CEP170: variants seen among roughly 807,000 people sequenced by gnomAD.
CEP170 encodes centrosomal protein 170.
CEP170 carries 21 observed loss-of-function variants against 151.9 expected under a neutral mutation model. The ratio of observed to expected loss-of-function variants is 0.14; its 90% confidence interval spans 0.10 to 0.20. The LOEUF (loss-of-function observed/expected upper bound fraction) is 0.20. Ranked by LOEUF, CEP170 falls within the 10% of genes least tolerant of loss-of-function variation. The pLI is 1.00. For synonymous variants in CEP170, 356 were observed against 648.8 expected (o/e 0.55, Z 6.86); for missense variants, 964 against 1,892.9 (o/e 0.51, Z 9.11).
At chr1:243,184,954 A>T (rs923969302) in intron 10 of CEP170, among the ~76,000 whole-genome samples, 3 of 152,210 alleles carry the variant, frequency 2.0e-5, no homozygotes, top group African/African-American at 7.2e-5. Context: ...ACAAGAATTC[A>T]AACAAAAGAT....
At chr1:243,188,766 G>T (rs983631700) in intron 8 of CEP170, among the ~76,000 whole-genome samples, 19 of 152,126 alleles carry the variant, frequency 1.2e-4, no homozygotes, top group African/African-American at 4.3e-4. Context: ...TCAATTCTTT[G>T]ATCTAAACAG....
rs1267747716 is a variant in CEP170, at chr1:243,225,333, C to T, written c.-41-12G>A. On this transcript the variant is annotated splice_polypyrimidine_tract_variant and intron_variant, in intron 1 of 19. Transcript: ENST00000366542. ...AAAGCTACGTCATCCTGAAGAGAAA[C>T]ATGAAGAAAAATATACGTTCAGATA... The T allele has an allele frequency of 4.5e-6, 5 of 1,121,898 alleles. No individual in the cohort carries two copies. The highest frequency in any genetic ancestry group is 1.6e-5 in the South Asian group (1 of 63,920). The allele number at this position is 1,121,898 out of a possible 1,614,324, so 69.5% of individuals were successfully genotyped here. A position where few individuals can be genotyped will look rare whatever the true frequency, so the allele number is the denominator to read the frequency against.
intron 10 of CEP170, among the ~76,000 whole-genome samples, chr1:243,179,238 G>A (rs192589146): frequency 2.6e-4 from 40 of 152,132 alleles, no homozygotes; most frequent in Admixed American, 2.6e-3. Flanking sequence ...AAATTTAAAT[G>A]TCCAATTTCT....
intron 16 of CEP170, among the ~76,000 whole-genome samples, chr1:243,138,766 CAAT>C (rs1353877270): frequency 2.0e-5 from 3 of 151,968 alleles, no homozygotes; most frequent in African/African-American, 4.8e-5. Flanking sequence ...ATACTGTCAA[CAAT>C]GTTACTATAA....
intron 7 of CEP170, among the ~76,000 whole-genome samples, chr1:243,194,843 AG>A (rs1005922299): frequency 1.3e-5 from 2 of 151,916 alleles, no homozygotes; most frequent in Non-Finnish European, 2.9e-5. Flanking sequence ...CTCAATTACT[AG>A]ATTTTAAAAA....
intron 11 of CEP170, among the ~76,000 whole-genome samples, chr1:243,171,986 A>G (rs1390038848): frequency 6.6e-6 from 1 of 152,152 alleles, no homozygotes; most frequent in Non-Finnish European, 1.5e-5. Context: ...GCTGTACTGT[A>G]TTTGCAGTTA....
At chr1:243,128,220 C>G in intron 19 of CEP170, 29 bp downstream of exon 19, 2 of 1,555,218 alleles carry the variant, frequency 1.3e-6, no homozygotes, top group Non-Finnish European at 1.7e-6. Flanking sequence ...ATTATTAGCT[C>G]TTTATACTTA....
intron 13 of CEP170, among the ~76,000 whole-genome samples, chr1:243,159,803 T>TGTGTGTG (rs1558452605): frequency 3.9e-4 from 20 of 51,818 alleles, no homozygotes; most frequent in African/African-American, 1.7e-3. Context: ...GTGTGTGTGT[T>TGTGTGTG]TTTGAGATGG....
chr1:243,243,441 T>C (rs1366878835), intron 1 of CEP170, among the ~76,000 whole-genome samples: 1 of 152,166 alleles, frequency 6.6e-6, no homozygotes, highest in African/African-American at 2.4e-5. Context: ...CAATATAAGC[T>C]TCCCTAAATA....
Position 243,164,931 on chromosome 1 carries a change from T to C in CEP170, c.3029A>G (p.Gln1010Arg). Residue 1010 changes from glutamine to arginine, a missense_variant, in exon 13 of 20, where the codon CAG becomes CGG. By Grantham distance (43) the Gln-to-Arg change is conservative. Transcript: ENST00000366542. ...GSRADGRKFVQSSGRIRQPSV... is the reference protein window; with the variant it reads ...GSRADGRKFVRSSGRIRQPSV... Reference sequence around the variant, plus strand: ...GGGCTGTCTTATTCTCCCACTGGACTGAACAAATTTACGACCATCTGCTCT... The same window carrying C: ...GGGCTGTCTTATTCTCCCACTGGACCGAACAAATTTACGACCATCTGCTCT... The C allele has an allele frequency of 1.2e-6, 2 of 1,613,904 alleles. No homozygotes were observed. Among genetic ancestry groups the C allele is most frequent in the Non-Finnish European group, 1.7e-6 (2 of 1,179,744 alleles).
chr1:243,136,328 G>A (rs1251489815), intron 16 of CEP170, 97 bp from the exon 17 acceptor site: 1 of 855,216 alleles, frequency 1.2e-6, no homozygotes. Context: ...GTTAGGGGCA[G>A]TTAGTATTTA....
chr1:243,168,568 T>TTAA (rs1162358901), intron 12 of CEP170, among the ~76,000 whole-genome samples: 2 of 151,892 alleles, frequency 1.3e-5, no homozygotes, highest in Non-Finnish European at 2.9e-5. Context: ...CCTCAAAGAG[T>TTAA]TAACACTTTT....
chr1:243,136,612 A>T (rs1382742199), intron 16 of CEP170, among the ~76,000 whole-genome samples: 1 of 152,266 alleles, frequency 6.6e-6, no homozygotes, highest in East Asian at 1.9e-4. Flanking sequence ...TTATTCTTTC[A>T]CCAAGTAATG....
intron 14 of CEP170, among the ~76,000 whole-genome samples, chr1:243,146,044 G>A (rs572382218): frequency 2.3e-4 from 35 of 152,142 alleles, no homozygotes; most frequent in Non-Finnish European, 2.9e-4. Context: ...AAAGTCTAAC[G>A]TCAATTATTC....
intron 17 of CEP170, among the ~76,000 whole-genome samples, chr1:243,134,818 G>A (rs2054849139): frequency 6.6e-6 from 1 of 152,010 alleles, no homozygotes; most frequent in Non-Finnish European, 1.5e-5. Flanking sequence ...CACTAAGGCA[G>A]CATGCCTCAT....
At chr1:243,164,250 T>C (rs761260503) in intron 13 of CEP170, 34 bp downstream of exon 13, 2 of 1,445,272 alleles carry the variant, frequency 1.4e-6, no homozygotes, top group African/African-American at 1.4e-5. Flanking sequence ...ATATACAACA[T>C]GCTAATGCTA....
chr1:243,250,164 T>C (rs2149197889), intron 1 of CEP170, among the ~76,000 whole-genome samples: 1 of 152,332 alleles, frequency 6.6e-6, no homozygotes, highest in African/African-American at 2.4e-5. Flanking sequence ...GTGTCACCTT[T>C]CCTCCCAGCA....
chr1:243,125,853 G>C lies in CEP170; in HGVS notation c.*596C>G. On this transcript the variant is annotated 3_prime_UTR_variant, in exon 20 of 20. Coordinates refer to ENST00000366542, the MANE Select transcript of CEP170 (RefSeq NM_014812.3). ...AATAGTTAATTTCCGTAAACCCCAA[G>C]ACAATTTACGTATCAACAAAGTTAT... The C allele has an allele frequency of 3.5e-6, 1 of 285,768 alleles. No homozygotes were observed. Among genetic ancestry groups the C allele is most frequent in the Non-Finnish European group, 6.9e-6 (1 of 145,652 alleles). 17.7% of individuals were successfully genotyped at this position (285,768 alleles called of 1,614,324 possible).
intron 1 of CEP170, among the ~76,000 whole-genome samples, chr1:243,226,025 G>A (rs2063207007): frequency 2.5e-5 from 3 of 119,230 alleles, no homozygotes; most frequent in East Asian, 4.5e-4. Context: ...ATATACACAC[G>A]TATATATATC....
Sources: gnomAD v4.1 joint callset for allele counts (sites outside exome capture counted in the v4.1 genomes callset) on GRCh38, gnomAD v4.1.1 for gene constraint, MANE v1.5 for transcripts, NCBI Gene and HGNC (gene_info 2026-07-23, HGNC 2026-07-21) for gene names.